Variants in NME9 observed in about 807,000 individuals in gnomAD.
NME9 encodes the protein thioredoxin domain-containing protein 6.
NME9 carries 48 observed loss-of-function variants against 44.4 expected under a neutral mutation model. The observed-to-expected ratio is 1.08, with a 90% CI of 0.86 to 1.37. The LOEUF (loss-of-function observed/expected upper bound fraction) is 1.37. Among genes scored for constraint, NME9 ranks in the 40% most tolerant of loss-of-function variants. The probability of loss-of-function intolerance (pLI) is 0.00; values close to 1 mark genes in which losing one functional copy is unlikely to be tolerated. For missense variants in NME9, 325 were observed against 405.2 expected (o/e 0.80, Z 1.70); for synonymous variants, 139 against 147.1 (o/e 0.94, Z 0.40).
intron 1 of NME9, among the ~76,000 whole-genome samples, chr3:138,327,286 G>T (rs768233135): frequency 6.6e-6 from 1 of 152,036 alleles, no homozygotes; most frequent in African/African-American, 2.4e-5. Flanking sequence ...TAAGAGAGTT[G>T]GACTGACATA....
intron 2 of NME9, 157 bp downstream of exon 2, chr3:138,324,716 A>G (rs2053670652): frequency 7.7e-6 from 5 of 646,558 alleles, no homozygotes; most frequent in Non-Finnish European, 1.4e-5. Flanking sequence ...ACACACACAC[A>G]CACACACACA....
At chr3:138,302,100 G>A (rs1005638978) in intron 10 of NME9, among the ~76,000 whole-genome samples, 10 of 152,058 alleles carry the variant, frequency 6.6e-5, no homozygotes, top group African/African-American at 9.7e-5. Context: ...ATTCAAACCC[G>A]GGATTGTCTA....
chr3:138,305,008 A>G lies in NME9; in HGVS notation c.656T>C (p.Val219Ala), dbSNP rs764706723. ...KAGEEAFEKL[V>A]HHMCSGPSHL... Reference sequence around the variant, plus strand: ...GCTTGGTCCACTGCACATGTGATGTACCAGCTTCTCAAATGCCTCCTAGGC... The same window carrying G: ...GCTTGGTCCACTGCACATGTGATGTGCCAGCTTCTCAAATGCCTCCTAGGC... Residue 219 changes from valine (V) to alanine (A), a missense_variant, in exon 9 of 11, where the codon GTA becomes GCA. Coordinates refer to ENST00000333911, the MANE Select transcript of NME9 (RefSeq NM_001349018.2). 4 of 1,614,020 alleles carry G rather than the reference A, an allele frequency of 2.5e-6. 1 individual carries two copies. The highest frequency in any genetic ancestry group is 1.6e-4 in the Middle Eastern group (1 of 6,062).
chr3:138,277,007 C>T (rs1366289029), intron 8 of NME9, among the ~76,000 whole-genome samples: 9 of 152,108 alleles, frequency 5.9e-5, no homozygotes, highest in Admixed American at 5.9e-4. Context: ...TTCACAACAC[C>T]TTGTTTCAAG....
chr3:138,275,521 T>C (rs1425515457), intron 8 of NME9, among the ~76,000 whole-genome samples: 2 of 151,964 alleles, frequency 1.3e-5, no homozygotes, highest in East Asian at 1.9e-4. Context: ...ATAGCACCAC[T>C]GCACTCCGAC....
exon 9 of NME9, chr3:138,262,477 T>C: frequency 6.4e-7 from 1 of 1,561,612 alleles, no homozygotes; most frequent in Non-Finnish European, 8.7e-7. Flanking sequence ...CTTGTTTGGC[T>C]GAAACATCCT....
intron 1 of NME9, among the ~76,000 whole-genome samples, chr3:138,328,080 G>A (rs934434580): frequency 7.2e-5 from 11 of 152,256 alleles, no homozygotes; most frequent in Non-Finnish European, 8.8e-5. Context: ...GAGTCACACA[G>A]CAATGAATGG....
chr3:138,314,277 T>C, intron 6 of NME9, 55 bp downstream of exon 6: 2 of 1,024,934 alleles, frequency 2.0e-6, no homozygotes, highest in Middle Eastern at 2.1e-4. Context: ...TTTAAACATA[T>C]ATAAAATCTG....
chr3:138,309,065 C>CA (rs2052501953), intron 6 of NME9, among the ~76,000 whole-genome samples: 1 of 151,230 alleles, frequency 6.6e-6, no homozygotes, highest in Non-Finnish European at 1.5e-5. Context: ...CTGAGGTGGG[C>CA]AGATCACCTG....
chr3:138,303,461 T>C, intron 10 of NME9, 46 bp downstream of exon 10: 2 of 1,515,136 alleles, frequency 1.3e-6, no homozygotes, highest in South Asian at 2.3e-5. Context: ...TACAAATTCC[T>C]TGTATCTATG....
intron 8 of NME9, among the ~76,000 whole-genome samples, chr3:138,264,383 G>C (rs1399534738): frequency 1.3e-5 from 2 of 149,544 alleles, no homozygotes; most frequent in Non-Finnish European, 3.0e-5. Context: ...CTTCATGTGT[G>C]AGGGGGAACT....
chr3:138,326,621 G>A (rs2053803158), intron 1 of NME9, among the ~76,000 whole-genome samples: 1 of 151,716 alleles, frequency 6.6e-6, no homozygotes, highest in African/African-American at 2.4e-5. Context: ...TTTTAGTAGA[G>A]ACAGGGTTTC....
intron 8 of NME9, among the ~76,000 whole-genome samples, chr3:138,276,915 T>C (rs1243675891): frequency 1.3e-5 from 2 of 152,178 alleles, no homozygotes; most frequent in East Asian, 1.9e-4. Context: ...CCTTTACATA[T>C]AGATTTTAAA....
chr3:138,318,182 CTG>C lies in NME9; in HGVS notation c.231_232del (p.Tyr77Ter), dbSNP rs2053219694. On this transcript the variant is annotated stop_gained and frameshift_variant, in exon 4 of 11. Coordinates refer to ENST00000333911, the MANE Select transcript of NME9 (RefSeq NM_001349018.2). LOFTEE classifies it high-confidence loss of function. ...CAGAAAGGTTGGCTCGCACTTCCCT[CTG>C]TACTTTTCGAGGACATCAAGACGAT... 1 of 1,612,710 alleles carries C rather than the reference CTG, an allele frequency of 6.2e-7. No individual in the cohort carries two copies.
chr3:138,290,115 G>C (rs2050799805), intron 8 of NME9, among the ~76,000 whole-genome samples: 2 of 152,214 alleles, frequency 1.3e-5, no homozygotes, highest in Non-Finnish European at 2.9e-5. Flanking sequence ...GTGCTGGGAG[G>C]ACAGAGGAGG....
chr3:138,302,026 C>T (rs1237370145), intron 10 of NME9, among the ~76,000 whole-genome samples: 1 of 152,142 alleles, frequency 6.6e-6, no homozygotes, highest in Admixed American at 6.5e-5. Context: ...GATGAGGAAA[C>T]TGAGGCCCAG....
intron 8 of NME9, chr3:138,272,960 C>T (rs961015317): frequency 6.4e-7 from 1 of 1,558,614 alleles, no homozygotes; most frequent in African/African-American, 1.4e-5. Flanking sequence ...TTCTTTAATC[C>T]TTTCAGAATA....
In NME9 at chr3:138,319,616, A is replaced by T. The variant is rs75728934; in HGVS notation, c.92-35T>A. 24 of 1,108,822 alleles carry T rather than the reference A, an allele frequency of 2.2e-5. No individual in the cohort carries two copies. In the African/African-American group the frequency reaches 3.4e-4, roughly 16 times the overall value. The allele number at this position is 1,108,822 out of a possible 1,614,324, so 68.7% of individuals were successfully genotyped here. A position where few individuals can be genotyped will look rare whatever the true frequency, so the allele number is the denominator to read the frequency against. The stretch of plus-strand genomic sequence containing the variant: ...ACCAAGAAGCAGGAACATTCAGTAG[A>T]CGCCAGTGCCCACCACACCATGCAT... On this transcript the variant is annotated intron_variant, in intron 2 of 10. Transcript: ENST00000333911.
intron 8 of NME9, among the ~76,000 whole-genome samples, chr3:138,264,696 G>T (rs897251571): frequency 1.3e-5 from 2 of 151,712 alleles, no homozygotes; most frequent in Non-Finnish European, 2.9e-5. Flanking sequence ...GGGATTACAG[G>T]CATGAGCCAC....
Sources: allele counts gnomAD v4.1 joint callset (sites outside exome capture counted in the v4.1 genomes callset), GRCh38; gene constraint gnomAD v4.1.1; transcripts MANE v1.5; gene names NCBI Gene and HGNC (gene_info 2026-07-23, HGNC 2026-07-21).